Variants in RYR2 observed in about 807,000 individuals in gnomAD.
RYR2 encodes cardiac muscle ryanodine receptor-calcium release channel.
Under a neutral mutation model 601.1 loss-of-function variants are expected in RYR2, and 227 were observed. The ratio of observed to expected loss-of-function variants is 0.38; its 90% CI spans 0.34 to 0.42. RYR2 has a LOEUF of 0.42. Ranked by LOEUF, RYR2 falls within the 10% of genes least tolerant of loss-of-function variation. RYR2 has a pLI of 1.00. For missense variants in RYR2, 4,646 were observed against 6,156.5 expected, an observed-to-expected ratio of 0.75 and a Z score of 8.21; for synonymous variants, 2,223 against 2,175.1, an observed-to-expected ratio of 1.02 and a Z score of -0.61.
At chr1:237,780,492 A>G (rs1256046088) in intron 88 of RYR2, among the ~76,000 whole-genome samples, 1 of 150,518 alleles carries the variant, frequency 6.6e-6, no homozygotes, top group Non-Finnish European at 1.5e-5. Flanking sequence ...CTTCATATGT[A>G]CCAAAAATGC....
At chr1:237,533,727 C>T (rs1484075380) in intron 25 of RYR2, among the ~76,000 whole-genome samples, 2 of 151,856 alleles carry the variant, frequency 1.3e-5, no homozygotes, top group African/African-American at 4.8e-5. Context: ...ATACATACTT[C>T]GATAAGGACT....
intron 6 of RYR2, 22 bp from the exon 7 acceptor site, chr1:237,374,695 C>T (rs1392375037): frequency 6.3e-7 from 1 of 1,589,626 alleles, no homozygotes; most frequent in South Asian, 1.1e-5. Flanking sequence ...CTACTTACAA[C>T]TACTGATTTT....
chr1:237,833,312 A>G lies in RYR2; in HGVS notation c.*665A>G, dbSNP rs1664020652. The G allele has an allele frequency of 6.9e-6, 1 of 144,670 alleles. No individual in the cohort carries two copies. Among genetic ancestry groups the G allele is most frequent in the Admixed American group, 6.9e-5 (1 of 14,432 alleles). The allele number at this position is 144,670 out of a possible 1,614,324, so 9.0% of individuals were successfully genotyped here. A position where few individuals can be genotyped will look rare whatever the true frequency, so the allele number is the denominator to read the frequency against. On this transcript the variant is annotated 3_prime_UTR_variant, in exon 105 of 105. Transcript: ENST00000366574. The stretch of plus-strand genomic sequence containing the variant: ...AAAAAAACGGGTGGTGTGTCTCAGG[A>G]CAAAAGGAGGCTCTTCTCATTCAGC...
In RYR2 at chr1:237,668,561, G is replaced by A. The variant is rs74355769; in HGVS notation, c.8590+603G>A. ...TGTCTGTGTGTGTGCGCGCATATGC[G>A]CTGTCGTTAATGACTTCCTATATGG... On this transcript the variant is annotated intron_variant, in intron 58 of 104. Transcript: ENST00000366574. 2.6e-3 allele frequency among the ~76,000 whole-genome samples: 402 copies of A among 152,312 alleles called. 7 individuals are homozygous for A. In the East Asian group the frequency reaches 0.031, roughly 12 times the overall value.
At chr1:237,142,229 G>A (rs544986658) in intron 1 of RYR2, among the ~76,000 whole-genome samples, 6 of 152,306 alleles carry the variant, frequency 3.9e-5, no homozygotes, top group South Asian at 2.1e-4. Flanking sequence ...CCTGAGCCCC[G>A]CTCTGTCCTA....
chr1:237,424,298 T>C (rs1572258889), intron 12 of RYR2, among the ~76,000 whole-genome samples: 1 of 152,348 alleles, frequency 6.6e-6, no homozygotes, highest in Middle Eastern at 3.4e-3. Context: ...TTCTTTTAAA[T>C]AGATAAAGAT....
At chr1:237,772,182 T>G in intron 86 of RYR2, 82 bp downstream of exon 86, 1 of 756,574 alleles carries the variant, frequency 1.3e-6, no homozygotes, top group Non-Finnish European at 2.2e-6. Context: ...GTGTTTTGGT[T>G]TATAACTAGA....
chr1:237,265,951 T>C (rs1267145163), intron 1 of RYR2, among the ~76,000 whole-genome samples: 1 of 152,192 alleles, frequency 6.6e-6, no homozygotes, highest in Admixed American at 6.5e-5. Context: ...TTTTAAGTGG[T>C]TGATTATTTA....
At chr1:237,097,667 T>C (rs1429642823) in intron 1 of RYR2, among the ~76,000 whole-genome samples, 1 of 152,242 alleles carries the variant, frequency 6.6e-6, no homozygotes, top group African/African-American at 2.4e-5. Context: ...TTTTGGTTTC[T>C]GGCAAGGAGG....
intron 10 of RYR2, among the ~76,000 whole-genome samples, 195 bp from the exon 11 acceptor site, chr1:237,416,854 T>C (rs1705051180): frequency 6.6e-6 from 1 of 151,952 alleles, no homozygotes; most frequent in Non-Finnish European, 1.5e-5. Flanking sequence ...CAGGGAAAAC[T>C]TAGGTTGATC....
At chr1:237,138,763 A>G (rs572544219) in intron 1 of RYR2, among the ~76,000 whole-genome samples, 5 of 152,352 alleles carry the variant, frequency 3.3e-5, no homozygotes, top group African/African-American at 1.2e-4. Flanking sequence ...AGTATGTAAT[A>G]GTTGAATGTG....
At chr1:237,705,972 TG>T (rs1012614429) in intron 67 of RYR2, among the ~76,000 whole-genome samples, 78 of 152,206 alleles carry the variant, frequency 5.1e-4, no homozygotes, top group African/African-American at 1.7e-3. Context: ...CAGCAAGGGC[TG>T]GGCGCAGTGG....
At position 237,180,583 on chromosome 1, in the gene RYR2, T is replaced by C. The variant is rs1261077883; in HGVS notation, c.49-89914T>C. 6.8e-6 allele frequency among the ~76,000 whole-genome samples: 1 copy of C among 146,938 alleles called. No individual in the cohort carries two copies. The highest frequency in any genetic ancestry group is 2.0e-4 in the East Asian group (1 of 5,084). On this transcript the variant is annotated intron_variant, in intron 1 of 104. Coordinates refer to ENST00000366574, the MANE Select transcript of RYR2 (RefSeq NM_001035.3). This position sits in a 1 kb window ranked among gnomAD's most constrained non-coding sequence, Gnocchi z 5.3. ...AAATATATATATGTGTGTGTGTGTATATATGTATATATAAGTATATATATG... is the reference window on the plus strand; with the variant it reads ...AAATATATATATGTGTGTGTGTGTACATATGTATATATAAGTATATATATG...
intron 4 of RYR2, among the ~76,000 whole-genome samples, chr1:237,360,907 T>A (rs1345704336): frequency 1.3e-5 from 2 of 152,142 alleles, no homozygotes; most frequent in Admixed American, 1.3e-4. Flanking sequence ...TAAGACAGGG[T>A]CTTGCTCTGT....
At chr1:237,132,736 T>G (rs1456230931) in intron 1 of RYR2, among the ~76,000 whole-genome samples, 1 of 152,118 alleles carries the variant, frequency 6.6e-6, no homozygotes, top group African/African-American at 2.4e-5. Context: ...TTTCTAAAAT[T>G]AATGAAAGGC....
intron 19 of RYR2, 135 bp from the exon 20 acceptor site, chr1:237,496,376 T>G: frequency 8.2e-7 from 1 of 1,222,108 alleles, no homozygotes; most frequent in Non-Finnish European, 1.1e-6. Flanking sequence ...CTACTGCGCT[T>G]CAGCCTAGGC....
At chr1:237,723,363 A>G (rs1689911162) in intron 74 of RYR2, 101 bp downstream of exon 74, 8 of 832,348 alleles carry the variant, frequency 9.6e-6, no homozygotes, top group African/African-American at 1.7e-5. Context: ...CAAGAAACAT[A>G]TATGTTCAGC....
intron 1 of RYR2, among the ~76,000 whole-genome samples, chr1:237,091,883 G>A (rs1285525081): frequency 2.0e-5 from 3 of 152,262 alleles, no homozygotes; most frequent in African/African-American, 7.2e-5. Flanking sequence ...CCTGGAAGCA[G>A]AAAGCACAGC....
intron 39 of RYR2, among the ~76,000 whole-genome samples, chr1:237,625,421 T>C (rs569277266): frequency 4.6e-5 from 7 of 152,220 alleles, no homozygotes; most frequent in African/African-American, 1.4e-4. Context: ...CTCAGTGTTA[T>C]ATTTTGTTCT....
Sources: gnomAD v4.1 joint callset for allele counts (sites outside exome capture counted in the v4.1 genomes callset) on GRCh38, gnomAD v4.1.1 for gene constraint, Gnocchi (gnomAD v3.1) non-coding constraint, MANE v1.5 for transcripts, NCBI Gene and HGNC (gene_info 2026-07-23, HGNC 2026-07-21) for gene names.